SECISBP2: variants seen among roughly 807,000 people sequenced by gnomAD.
SECISBP2 encodes the protein selenocysteine insertion sequence-binding protein 2.
Under a neutral mutation model 98.2 loss-of-function variants are expected in SECISBP2, and 96 were observed. That is an observed-to-expected ratio of 0.98 (90% confidence interval 0.83 to 1.16). SECISBP2 has a LOEUF of 1.16. SECISBP2 is among the 50% of genes most tolerant of loss of function. SECISBP2 has a pLI of 0.00. For missense variants in SECISBP2, 1,046 were observed against 1,022.9 expected, an observed-to-expected ratio of 1.02 and a Z score of -0.31; for synonymous variants, 407 against 370.2, an observed-to-expected ratio of 1.10 and a Z score of -1.14.
chr9:89,351,617 A>G (rs1227021995), intron 14 of SECISBP2, among the ~76,000 whole-genome samples: 1 of 152,110 alleles, frequency 6.6e-6, no homozygotes, highest in Non-Finnish European at 1.5e-5. Flanking sequence ...ACTTTGAGAT[A>G]ATGCATCCAC....
chr9:89,349,843 C>T lies in SECISBP2; in HGVS notation c.1806C>T (p.Gly602=). 6.2e-7 allele frequency: 1 copy of T among 1,614,194 alleles called. No individual in the cohort carries two copies. Among genetic ancestry groups the T allele is most frequent in the Non-Finnish European group, 8.5e-7 (1 of 1,180,020 alleles). ...SVEDKSEEPP[G]TELQRDTEAS... ...AGGACAAGTCTGAAGAGCCACCAGG[C>T]ACAGAGCTCCAGAGGGACACAGAGG... is the stretch of plus-strand genomic sequence containing the variant. Residue 602 remains glycine, a synonymous_variant, in exon 13 of 17, where the codon GGC becomes GGT. Coordinates refer to ENST00000375807, the MANE Select transcript of SECISBP2 (RefSeq NM_024077.5).
intron 9 of SECISBP2, among the ~76,000 whole-genome samples, 161 bp from the exon 10 acceptor site, chr9:89,341,186 T>A (rs75784656): frequency 0.015 from 2,274 of 152,390 alleles, 25 homozygotes; most frequent in Non-Finnish European, 0.024. Flanking sequence ...TACTGGCAGA[T>A]AATGTGGGAT....
At chr9:89,356,360 G>A (rs1326369529) in intron 14 of SECISBP2, among the ~76,000 whole-genome samples, 2 of 152,180 alleles carry the variant, frequency 1.3e-5, no homozygotes, top group Non-Finnish European at 2.9e-5. Flanking sequence ...ATTGGGGACC[G>A]CTGTTTTAAA....
chr9:89,340,157 CTTATTTTATAAGATTA>C (rs1829445952), intron 9 of SECISBP2, among the ~76,000 whole-genome samples: 1 of 152,004 alleles, frequency 6.6e-6, no homozygotes. Flanking sequence ...GATAATAAGA[CTTATTTTATAAGATTA>C]TTATTTTATA....
chr9:89,344,548 C>T (rs1227582709), intron 10 of SECISBP2, among the ~76,000 whole-genome samples: 2 of 152,168 alleles, frequency 1.3e-5, no homozygotes, highest in South Asian at 4.1e-4. Flanking sequence ...TATCCCAGCA[C>T]CATTTATTGA....
At chr9:89,320,057 A>G (rs1005810587) in intron 2 of SECISBP2, among the ~76,000 whole-genome samples, 1 of 152,132 alleles carries the variant, frequency 6.6e-6, no homozygotes, top group Non-Finnish European at 1.5e-5. Flanking sequence ...GCATTTGTTA[A>G]TAAGAAATGC....
intron 10 of SECISBP2, among the ~76,000 whole-genome samples, chr9:89,343,693 A>C (rs1830008435): frequency 6.6e-6 from 1 of 152,212 alleles, no homozygotes; most frequent in African/African-American, 2.4e-5. Context: ...ATGACTGCAT[A>C]GTATTCCATG....
chr9:89,321,096 G>A (rs1825726401), intron 2 of SECISBP2, among the ~76,000 whole-genome samples: 1 of 152,158 alleles, frequency 6.6e-6, no homozygotes, highest in African/African-American at 2.4e-5. Context: ...CTGGAATTTG[G>A]TCTTTGGTAG....
intron 10 of SECISBP2, among the ~76,000 whole-genome samples, chr9:89,344,620 C>T (rs1269660020): frequency 6.6e-6 from 1 of 152,152 alleles, no homozygotes; most frequent in African/African-American, 2.4e-5. Flanking sequence ...CTCGCTTCCT[C>T]CTTTACTGCC....
At chr9:89,320,239 C>T (rs1049250567) in intron 2 of SECISBP2, among the ~76,000 whole-genome samples, 1 of 151,472 alleles carries the variant, frequency 6.6e-6, no homozygotes, top group Non-Finnish European at 1.5e-5. Context: ...ACCTGTAATC[C>T]CAGGTATTCG....
At chr9:89,343,807 T>C (rs1343138456) in intron 10 of SECISBP2, among the ~76,000 whole-genome samples, 1 of 152,248 alleles carries the variant, frequency 6.6e-6, no homozygotes, top group Non-Finnish European at 1.5e-5. Context: ...AACATTCACA[T>C]GCATGTGTCT....
At chr9:89,358,680 G>T (rs1259351956) in intron 16 of SECISBP2, 41 bp from the exon 17 acceptor site, 2 of 1,345,240 alleles carry the variant, frequency 1.5e-6, no homozygotes, top group Non-Finnish European at 2.1e-6. Context: ...TTTCCTACTT[G>T]TTGATGCCTA....
chr9:89,348,431 A>G (rs2054488780), intron 12 of SECISBP2, among the ~76,000 whole-genome samples: 1 of 152,194 alleles, frequency 6.6e-6, no homozygotes, highest in South Asian at 2.1e-4. Context: ...TGTGAGGGAC[A>G]GAGGTGAGGA....
chr9:89,333,890 C>A (rs1828186677), intron 6 of SECISBP2: 2 of 271,632 alleles, frequency 7.4e-6, no homozygotes, highest in Admixed American at 5.9e-5. Context: ...GTCTGTACTT[C>A]ACAGGCTGCT....
intron 2 of SECISBP2, chr9:89,323,346 T>C (rs963198941): frequency 6.6e-6 from 1 of 152,240 alleles, no homozygotes; most frequent in African/African-American, 2.4e-5. Context: ...TGACCCAGAA[T>C]GTGTCAGATG....
chr9:89,347,811 G>T (rs1830652087), intron 11 of SECISBP2, among the ~76,000 whole-genome samples: 1 of 152,138 alleles, frequency 6.6e-6, no homozygotes, highest in Non-Finnish European at 1.5e-5. Context: ...TGGTGTAGGT[G>T]CTCAGGCAAG....
chr9:89,338,529 A>G lies in SECISBP2; in HGVS notation c.1161A>G (p.Lys387=). Residue 387 remains lysine, a synonymous_variant, in exon 8 of 17, where the codon AAA becomes AAG. Transcript: ENST00000375807. ...ASRKNKKKKE[K]STSKYEVLTV... Reference sequence around the variant, plus strand: ...GAAAGAATAAGAAAAAGAAAGAAAAATCTACATCAAAATATGAAGTCCTGA... The same window carrying G: ...GAAAGAATAAGAAAAAGAAAGAAAAGTCTACATCAAAATATGAAGTCCTGA... 1 of 1,613,280 alleles carries G rather than the reference A, an allele frequency of 6.2e-7. No individual in the cohort carries two copies. Among genetic ancestry groups the G allele is most frequent in the Non-Finnish European group, 8.5e-7 (1 of 1,179,776 alleles).
chr9:89,320,539 C>G (rs1367382529), intron 2 of SECISBP2, among the ~76,000 whole-genome samples: 1 of 152,112 alleles, frequency 6.6e-6, no homozygotes, highest in Non-Finnish European at 1.5e-5. Context: ...GGGGAGGGGA[C>G]TAGCAACCAT....
intron 7 of SECISBP2, among the ~76,000 whole-genome samples, chr9:89,337,272 G>A (rs1440207395): frequency 6.6e-6 from 1 of 152,210 alleles, no homozygotes; most frequent in Admixed American, 6.5e-5. Context: ...AGCATCTCCT[G>A]TTATCTTCTA....
Sources: gnomAD v4.1 joint callset for allele counts (sites outside exome capture counted in the v4.1 genomes callset) on GRCh38, gnomAD v4.1.1 for gene constraint, MANE v1.5 for transcripts, NCBI Gene and HGNC (gene_info 2026-07-23, HGNC 2026-07-21) for gene names.